KLHL2: variants seen among roughly 807,000 people sequenced by gnomAD.
KLHL2 encodes kelch like family member 2.
KLHL2 carries 15 observed loss-of-function variants against 75.8 expected under a neutral mutation model. The ratio of observed to expected loss-of-function variants is 0.20; its 90% CI spans 0.13 to 0.30. KLHL2 has a LOEUF of 0.30. Among genes scored for constraint, KLHL2 ranks in the 10% least tolerant of loss-of-function variants. The pLI, the probability that KLHL2 is intolerant of heterozygous loss-of-function variation, is 1.00. For synonymous variants in KLHL2, 214 were observed against 251.9 expected, an observed-to-expected ratio of 0.85 and a Z score of 1.42; for missense variants, 381 against 741.0, an observed-to-expected ratio of 0.51 and a Z score of 5.64.
At chr4:165,295,628 G>T (rs1744850730) in intron 6 of KLHL2, among the ~76,000 whole-genome samples, 1 of 152,178 alleles carries the variant, frequency 6.6e-6, no homozygotes, top group Admixed American at 6.5e-5. Context: ...TATGGGGATG[G>T]TAGTTCAACT....
intron 5 of KLHL2, among the ~76,000 whole-genome samples, chr4:165,280,639 A>G (rs1743592102): frequency 6.6e-6 from 1 of 152,242 alleles, no homozygotes; most frequent in African/African-American, 2.4e-5. Flanking sequence ...CACTTGATAC[A>G]CAGCACTTTT....
At chr4:165,240,499 G>T (rs1184455310) in intron 4 of KLHL2, 2 of 151,576 alleles carry the variant, frequency 1.3e-5, no homozygotes, top group East Asian at 3.9e-4. Context: ...CAATATTGGG[G>T]TTGTTTCTAA....
chr4:165,244,275 T>C, intron 4 of KLHL2, among the ~76,000 whole-genome samples: 1 of 152,244 alleles, frequency 6.6e-6, no homozygotes, highest in Non-Finnish European at 1.5e-5. Flanking sequence ...ATTCATTTAC[T>C]TAAATTGTGT....
intron 4 of KLHL2, among the ~76,000 whole-genome samples, chr4:165,244,413 T>A (rs946573222): frequency 2.0e-4 from 30 of 152,190 alleles, no homozygotes; most frequent in African/African-American, 6.5e-4. Flanking sequence ...ACTGAGGGCA[T>A]GGAGAGAATT....
intron 3 of KLHL2, among the ~76,000 whole-genome samples, chr4:165,236,589 G>A (rs1220260638): frequency 1.3e-5 from 2 of 152,158 alleles, no homozygotes; most frequent in Non-Finnish European, 2.9e-5. Context: ...GATTTCCTCT[G>A]AAAACACAGC....
chr4:165,298,901 G>A (rs571848585), intron 7 of KLHL2, among the ~76,000 whole-genome samples: 1 of 151,680 alleles, frequency 6.6e-6, no homozygotes, highest in Admixed American at 6.6e-5. Flanking sequence ...CTGAACTCCA[G>A]CCCGGGCAAC....
chr4:165,215,974 A>G (rs1180853970), intron 1 of KLHL2, among the ~76,000 whole-genome samples: 1 of 152,108 alleles, frequency 6.6e-6, no homozygotes. Flanking sequence ...GGCTTGAAAA[A>G]ATTGCTTGGG....
At chr4:165,308,700 T>C (rs1375867067) in intron 9 of KLHL2, among the ~76,000 whole-genome samples, 1 of 152,138 alleles carries the variant, frequency 6.6e-6, no homozygotes, top group Non-Finnish European at 1.5e-5. Flanking sequence ...ATTTTGTGGG[T>C]AGAGAAAGGA....
intron 2 of KLHL2, among the ~76,000 whole-genome samples, chr4:165,224,699 G>A (rs1378407180): frequency 6.6e-6 from 1 of 152,162 alleles, no homozygotes; most frequent in East Asian, 1.9e-4. Context: ...TTGCTTAGAT[G>A]GCAAGTGAAT....
chr4:165,255,629 C>A (rs1741102770), intron 4 of KLHL2, among the ~76,000 whole-genome samples: 1 of 152,160 alleles, frequency 6.6e-6, no homozygotes, highest in Admixed American at 6.5e-5. Context: ...CAAAACCCTA[C>A]TCCTTGGCCG....
At chr4:165,223,880 AG>A (rs1429458767) in intron 2 of KLHL2, 1 of 425,758 alleles carries the variant, frequency 2.3e-6, no homozygotes, top group African/African-American at 2.1e-5. Flanking sequence ...AGGTCTATAG[AG>A]GGGACAGAGA....
intron 11 of KLHL2, among the ~76,000 whole-genome samples, chr4:165,312,844 T>C (rs1746306655): frequency 6.6e-6 from 1 of 152,240 alleles, no homozygotes; most frequent in Non-Finnish European, 1.5e-5. Flanking sequence ...CCAAGTAATA[T>C]TGCATTGCAT....
intron 4 of KLHL2, among the ~76,000 whole-genome samples, chr4:165,241,596 A>C (rs1246572369): frequency 1.3e-5 from 2 of 152,056 alleles, no homozygotes; most frequent in Non-Finnish European, 2.9e-5. Flanking sequence ...TCCCTTTTGA[A>C]AGTTTCTGTT....
intron 5 of KLHL2, among the ~76,000 whole-genome samples, chr4:165,267,360 T>A (rs1742320663): frequency 6.6e-6 from 1 of 152,012 alleles, no homozygotes; most frequent in South Asian, 2.1e-4. Flanking sequence ...GGAATAGGAG[T>A]GGTGAGAGAG....
chr4:165,279,167 T>C (rs1743430883), intron 5 of KLHL2: 1 of 1,599,124 alleles, frequency 6.3e-7, no homozygotes, highest in Non-Finnish European at 8.6e-7. Context: ...TTTTCTCACA[T>C]TGTCGAGGAG....
At chr4:165,277,694 T>C (rs199778313) in intron 5 of KLHL2, 3 of 508,802 alleles carry the variant, frequency 5.9e-6, no homozygotes, top group African/African-American at 4.0e-5. Flanking sequence ...GTTATGGCAA[T>C]GGAGGGGGTC....
At chr4:165,215,958 A>T (rs905215746) in intron 1 of KLHL2, among the ~76,000 whole-genome samples, 2 of 152,112 alleles carry the variant, frequency 1.3e-5, no homozygotes, top group Admixed American at 1.3e-4. Context: ...AGGGGTGGTT[A>T]TTTGTGGCTT....
chr4:165,246,495 G>A (rs966668587), intron 4 of KLHL2, among the ~76,000 whole-genome samples: 1 of 152,106 alleles, frequency 6.6e-6, no homozygotes, highest in African/African-American at 2.4e-5. Flanking sequence ...GGTAGGCTAA[G>A]TGAGAGACTA....
intron 13 of KLHL2, among the ~76,000 whole-genome samples, chr4:165,317,365 CT>C (rs34078288): frequency 0.3 from 43,929 of 144,298 alleles, 6,416 homozygotes; most frequent in Non-Finnish European, 0.35. Context: ...AGAAAGAATT[CT>C]TTTTTTTTTT....
Sources: allele counts gnomAD v4.1 joint callset (sites outside exome capture counted in the v4.1 genomes callset), GRCh38; gene constraint gnomAD v4.1.1; transcripts MANE v1.5; gene names NCBI Gene and HGNC (gene_info 2026-07-23, HGNC 2026-07-21).